The following GABRB1 variants were observed in gnomAD, a reference collection of about 807,000 sequenced individuals.
GABRB1 encodes gamma-aminobutyric acid receptor subunit beta-1.
GABRB1 carries 17 observed loss-of-function variants against 51.6 expected under a neutral mutation model. The observed-to-expected ratio is 0.33, with a 90% CI of 0.23 to 0.49. The LOEUF (loss-of-function observed/expected upper bound fraction) is 0.49, where lower values mean the gene tolerates loss of function less well. GABRB1 is among the 20% of genes least tolerant of loss of function. The pLI, the probability that GABRB1 is intolerant of heterozygous loss-of-function variation, is 0.99. For missense variants in GABRB1, 410 were observed against 600.6 expected (o/e 0.68, Z 3.32); for synonymous variants, 247 against 218.9 (o/e 1.13, Z -1.14).
At chr4:47,179,374 G>A (rs1040031413) in intron 4 of GABRB1, among the ~76,000 whole-genome samples, 14 of 152,040 alleles carry the variant, frequency 9.2e-5, no homozygotes, top group Admixed American at 7.2e-4. Flanking sequence ...ACAGTGTGGC[G>A]ATTCCTCAAG....
chr4:47,220,140 A>G (rs1261776740), intron 4 of GABRB1, among the ~76,000 whole-genome samples: 2 of 152,024 alleles, frequency 1.3e-5, no homozygotes, highest in Non-Finnish European at 2.9e-5. Context: ...TACCTTCTTC[A>G]GCTGCATCAT....
chr4:47,238,119 G>A (rs1044794408), intron 4 of GABRB1, among the ~76,000 whole-genome samples: 34 of 152,078 alleles, frequency 2.2e-4, no homozygotes, highest in Non-Finnish European at 4.3e-4. Context: ...TTCAAGAAAT[G>A]AAGGATATTA....
chr4:47,082,318 A>T (rs187408221), intron 3 of GABRB1, among the ~76,000 whole-genome samples: 2 of 152,154 alleles, frequency 1.3e-5, no homozygotes, highest in African/African-American at 4.8e-5. Flanking sequence ...AATTCCATAA[A>T]AAAGATGCCA....
At chr4:47,183,631 C>T (rs1277389819) in intron 4 of GABRB1, among the ~76,000 whole-genome samples, 19 of 151,666 alleles carry the variant, frequency 1.3e-4, no homozygotes, top group Admixed American at 1.3e-3. Flanking sequence ...ACCTTCTTTT[C>T]CTTCCCAATT....
Position 47,125,559 on chromosome 4 carries a change from C to CTTTTTTTTTTTTTTTTTTTTT in GABRB1, c.241-35676_241-35675insTTTTTTTTTTTTTTTTTTTTT, listed in dbSNP as rs71195605. Among the ~76,000 whole-genome samples, 4 of 80,716 alleles carry CTTTTTTTTTTTTTTTTTTTTT rather than the reference C, an allele frequency of 5.0e-5. 1 individual carries two copies. Among genetic ancestry groups the CTTTTTTTTTTTTTTTTTTTTT allele is most frequent in the Non-Finnish European group, 7.4e-5 (3 of 40,782 alleles). 53.0% of individuals were successfully genotyped at this position (80,716 alleles called of 152,430 possible). A position where few individuals can be genotyped will look rare whatever the true frequency, so the allele number is the denominator to read the frequency against. ...CTCTAGACACAACAAAGTATAATTT[C>CTTTTTTTTTTTTTTTTTTTTT]TTTTTTTTTTTTTTGAGACGGAGTC... On this transcript the variant is annotated intron_variant, in intron 3 of 8. Transcript: ENST00000295454.
At chr4:47,194,574 A>G (rs1719571955) in intron 4 of GABRB1, among the ~76,000 whole-genome samples, 1 of 152,190 alleles carries the variant, frequency 6.6e-6, no homozygotes, top group Non-Finnish European at 1.5e-5. Flanking sequence ...GGCAAATACT[A>G]TTTTTCCCAT....
upstream of GABRB1, among the ~76,000 whole-genome samples, chr4:47,026,607 C>T (rs1407968058): frequency 6.6e-6 from 1 of 151,998 alleles, no homozygotes; most frequent in African/African-American, 2.4e-5. Flanking sequence ...CACAGCATTA[C>T]AGGGACCAAC....
intron 4 of GABRB1, among the ~76,000 whole-genome samples, chr4:47,174,082 GTGAAAC>G (rs1718553808): frequency 6.6e-6 from 1 of 151,582 alleles, no homozygotes. Context: ...TCTTGAAAGA[GTGAAAC>G]AGTATTTCAC....
chr4:47,411,284 G>T (rs1728752596), intron 8 of GABRB1, among the ~76,000 whole-genome samples: 1 of 152,108 alleles, frequency 6.6e-6, no homozygotes, highest in Non-Finnish European at 1.5e-5. Context: ...ACAAACTGTG[G>T]TATATACACA....
chr4:47,205,147 T>A (rs912576520), intron 4 of GABRB1, among the ~76,000 whole-genome samples: 13 of 152,184 alleles, frequency 8.5e-5, no homozygotes, highest in African/African-American at 2.9e-4. Context: ...AGACTCTACT[T>A]CTAATTCTAA....
In GABRB1 at chr4:47,023,039, G is replaced by C. The variant is rs537895850; in HGVS notation, c.-19-8875G>C. Among the ~76,000 whole-genome samples, 34 of 152,140 alleles carry C rather than the reference G, an allele frequency of 2.2e-4. No individual in the cohort carries two copies. In the East Asian group the frequency reaches 5.8e-3, roughly 26 times the overall value. On this transcript the variant is annotated intron_variant, in intron 1 of 3. Coordinates refer to the GABRB1 transcript ENST00000513567. Reference sequence around the variant, plus strand: ...CATTTGCAACGACATGGATGGCACTGGAGATCATTATGTTAAGTGAAATAA... The same window carrying C: ...CATTTGCAACGACATGGATGGCACTCGAGATCATTATGTTAAGTGAAATAA...
At chr4:47,090,170 T>C (rs528527206) in intron 3 of GABRB1, among the ~76,000 whole-genome samples, 6 of 152,290 alleles carry the variant, frequency 3.9e-5, no homozygotes, top group South Asian at 2.1e-4. Flanking sequence ...GGCTAGAAAA[T>C]TGAAAATAAG....
At chr4:47,317,413 G>A (rs1371122935) in intron 4 of GABRB1, among the ~76,000 whole-genome samples, 1 of 151,846 alleles carries the variant, frequency 6.6e-6, no homozygotes, top group Non-Finnish European at 1.5e-5. Context: ...AATATTTATT[G>A]TGGGTGTTTT....
chr4:47,112,136 A>AT (rs1312918700), intron 3 of GABRB1, among the ~76,000 whole-genome samples: 2 of 151,492 alleles, frequency 1.3e-5, no homozygotes, highest in African/African-American at 2.4e-5. Flanking sequence ...TGCCTGGCTA[A>AT]TTTTTTTTGT....
intron 4 of GABRB1, among the ~76,000 whole-genome samples, chr4:47,254,740 A>G (rs1722135675): frequency 1.3e-5 from 2 of 152,286 alleles, no homozygotes; most frequent in Non-Finnish European, 1.5e-5. Context: ...ACCAATAGCT[A>G]TATTGTCAGC....
At chr4:47,088,323 G>C (rs889754867) in intron 3 of GABRB1, among the ~76,000 whole-genome samples, 10 of 152,182 alleles carry the variant, frequency 6.6e-5, no homozygotes, top group African/African-American at 2.4e-4. Flanking sequence ...GCACATAGGA[G>C]ACTGAGATAC....
chr4:47,393,190 C>G (rs767452340), intron 5 of GABRB1, among the ~76,000 whole-genome samples: 1 of 152,292 alleles, frequency 6.6e-6, no homozygotes, highest in East Asian at 1.9e-4. Context: ...TTGTGGCAAT[C>G]GGTCCCTTTG....
At chr4:47,056,931 C>A (rs1726634339) in intron 3 of GABRB1, among the ~76,000 whole-genome samples, 2 of 152,122 alleles carry the variant, frequency 1.3e-5, no homozygotes, top group South Asian at 2.1e-4. Context: ...CATGGTGAAA[C>A]CCTGTCTCTA....
At chr4:47,175,305 C>T (rs1718645228) in intron 4 of GABRB1, among the ~76,000 whole-genome samples, 1 of 151,932 alleles carries the variant, frequency 6.6e-6, no homozygotes, top group Non-Finnish European at 1.5e-5. Flanking sequence ...CAATCCTCTG[C>T]CTTGGCCTCC....
Sources: allele counts gnomAD v4.1 joint callset (sites outside exome capture counted in the v4.1 genomes callset), GRCh38; gene constraint gnomAD v4.1.1; transcripts MANE v1.5; gene names NCBI Gene and HGNC (gene_info 2026-07-23, HGNC 2026-07-21).